ZNF503: variants seen among roughly 807,000 people sequenced by gnomAD.
ZNF503 encodes NocA-like zinc finger 2.
ZNF503 carries 15 observed loss-of-function variants against 34.4 expected under a neutral mutation model. The observed-to-expected ratio is 0.44, with a 90% CI of 0.29 to 0.67. ZNF503 has a LOEUF of 0.67. ZNF503 is among the 30% of genes least tolerant of loss of function. ZNF503 has a pLI of 0.13. For synonymous variants in ZNF503, 580 were observed against 456.8 expected (o/e 1.27, Z -3.44); for missense variants, 1,007 against 926.8 (o/e 1.09, Z -1.12).
At chr10:75,321,728 T>C in the ZNF503 span, among the ~76,000 whole-genome samples, 3 of 152,198 alleles carry the variant, frequency 2.0e-5, no homozygotes, top group Admixed American at 2.0e-4. Context: ...CTAAGCAGTA[T>C]AGCATATAAG....
chr10:75,294,932 ACG>A, the ZNF503 span, among the ~76,000 whole-genome samples: 1 of 151,986 alleles, frequency 6.6e-6, no homozygotes, highest in African/African-American at 2.4e-5. Context: ...ATTATTGGTT[ACG>A]CTGTTGTGTA....
At chr10:75,309,390 T>C in the ZNF503 span, among the ~76,000 whole-genome samples, 1 of 152,204 alleles carries the variant, frequency 6.6e-6, no homozygotes, top group African/African-American at 2.4e-5. Context: ...GAAGAGTCAA[T>C]TGATGCAGCA....
chr10:75,354,836 TTTTTG>T, the ZNF503 span, among the ~76,000 whole-genome samples: 5 of 151,844 alleles, frequency 3.3e-5, no homozygotes, highest in Non-Finnish European at 1.5e-5. Flanking sequence ...CTGTGCTTCA[TTTTTG>T]TTTTGTTTTG....
At chr10:75,356,504 C>T in the ZNF503 span, among the ~76,000 whole-genome samples, 15 of 152,346 alleles carry the variant, frequency 9.8e-5, no homozygotes, top group East Asian at 2.9e-3. Context: ...CGTGAGCCAC[C>T]GCCCCCAGCC....
chr10:75,389,250 C>T, the ZNF503 span, among the ~76,000 whole-genome samples: 1 of 152,234 alleles, frequency 6.6e-6, no homozygotes, highest in Non-Finnish European at 1.5e-5. Context: ...AGCAACGGGA[C>T]AACCAAAAGG....
At chr10:75,381,703 C>T in the ZNF503 span, among the ~76,000 whole-genome samples, 1 of 149,746 alleles carries the variant, frequency 6.7e-6, no homozygotes, top group Non-Finnish European at 1.5e-5. Flanking sequence ...CAATCCTGGG[C>T]TGCCTCCAGA....
the ZNF503 span, among the ~76,000 whole-genome samples, chr10:75,301,904 A>G: frequency 6.6e-6 from 1 of 152,230 alleles, no homozygotes; most frequent in African/African-American, 2.4e-5. Context: ...GAGAAGAAGT[A>G]AGAAAAAATA....
the ZNF503 span, among the ~76,000 whole-genome samples, chr10:75,309,694 T>C: frequency 6.6e-6 from 1 of 152,252 alleles, no homozygotes; most frequent in African/African-American, 2.4e-5. Flanking sequence ...TGTCTTGCTT[T>C]ACTGTGATGT....
chr10:75,397,258 A>T (rs766224008), downstream of ZNF503, among the ~76,000 whole-genome samples: 3 of 152,136 alleles, frequency 2.0e-5, no homozygotes, highest in Non-Finnish European at 4.4e-5. Flanking sequence ...AGCGTTTAGA[A>T]GGCCCTGGGC....
the ZNF503 span, among the ~76,000 whole-genome samples, chr10:75,369,696 AATGCAGTTTTGTT>A: frequency 6.6e-6 from 1 of 152,262 alleles, no homozygotes; most frequent in South Asian, 2.1e-4. Flanking sequence ...TTGAGAAAAC[AATGCAGTTTTGTT>A]AAAAAGAATG....
chr10:75,390,902 T>C, the ZNF503 span, among the ~76,000 whole-genome samples: 271 of 152,304 alleles, frequency 1.8e-3, no homozygotes, highest in African/African-American at 6.2e-3. Context: ...ATTCTGTTTC[T>C]GGTGAGGGCT....
At chr10:75,327,698 T>G in the ZNF503 span, among the ~76,000 whole-genome samples, 1 of 152,204 alleles carries the variant, frequency 6.6e-6, no homozygotes, top group African/African-American at 2.4e-5. Flanking sequence ...ATGGCTGTCC[T>G]AATTTACTTT....
chr10:75,282,489 G>T, the ZNF503 span, among the ~76,000 whole-genome samples: 1 of 152,218 alleles, frequency 6.6e-6, no homozygotes, highest in African/African-American at 2.4e-5. Flanking sequence ...TCATTGAGCT[G>T]CTCCAGCTCT....
Position 75,398,651 on chromosome 10 carries a change from C to G in ZNF503, c.*98G>C. The stretch of plus-strand genomic sequence containing the variant: ...CCTTTCGTGGCCCGAGTCCTCCCCA[C>G]GCGCGGGTGTCAGCAGCCTGGGCCG... On this transcript the variant is annotated 3_prime_UTR_variant, in exon 2 of 2. Transcript: ENST00000372524. 1 of 1,140,946 alleles carries G rather than the reference C, an allele frequency of 8.8e-7. No homozygotes were observed. The highest frequency in any genetic ancestry group is 1.1e-6 in the Non-Finnish European group (1 of 889,880). The allele number at this position is 1,140,946 out of a possible 1,614,324, so 70.7% of individuals were successfully genotyped here.
chr10:75,390,199 C>G, the ZNF503 span, among the ~76,000 whole-genome samples: 1 of 151,678 alleles, frequency 6.6e-6, no homozygotes, highest in Non-Finnish European at 1.5e-5. Flanking sequence ...TTTTTTTAAT[C>G]AGTAACATGG....
chr10:75,391,021 C>T, the ZNF503 span, among the ~76,000 whole-genome samples: 10 of 152,216 alleles, frequency 6.6e-5, no homozygotes, highest in African/African-American at 2.4e-4. Flanking sequence ...GGCCACAAAT[C>T]CTCCCAGATT....
Position 75,399,343 on chromosome 10 carries a change from A to T in ZNF503, c.1347T>A (p.Ala449=). ...CAGCAGCCGGATCATGTGCGCAAGA[A>T]GCGCTGGCGGCCGCCGCCCCTGCCA... ...SHLAGAAAAS[A]SCAHDPAAAA... Residue 449 remains alanine, a synonymous_variant, in exon 2 of 2, where the codon GCT becomes GCA. Coordinates refer to ENST00000372524, the MANE Select transcript of ZNF503 (RefSeq NM_032772.6). 6.2e-7 allele frequency: 1 copy of T among 1,605,298 alleles called. No homozygotes were observed. The highest frequency in any genetic ancestry group is 1.7e-4 in the Middle Eastern group (1 of 6,004).
In ZNF503 at chr10:75,398,059, T is replaced by C. The variant is rs1447011962; in HGVS notation, c.*690A>G. The C allele has an allele frequency of 6.6e-6, 1 of 152,336 alleles. No individual in the cohort carries two copies. Among genetic ancestry groups the C allele is most frequent in the Non-Finnish European group, 1.5e-5 (1 of 67,964 alleles). 9.4% of individuals were successfully genotyped at this position (152,336 alleles called of 1,614,324 possible). A position where few individuals can be genotyped will look rare whatever the true frequency, so the allele number is the denominator to read the frequency against. On this transcript the variant is annotated 3_prime_UTR_variant, in exon 2 of 2. Coordinates refer to ENST00000372524, the MANE Select transcript of ZNF503 (RefSeq NM_032772.6). Reference sequence around the variant, plus strand: ...TTTTGTTGTTTTCTTCCAGAATACATACAAAAAAATACCCATTCTCTTCGA... The same window carrying C: ...TTTTGTTGTTTTCTTCCAGAATACACACAAAAAAATACCCATTCTCTTCGA...
chr10:75,353,249 G>A, the ZNF503 span, among the ~76,000 whole-genome samples: 99 of 152,284 alleles, frequency 6.5e-4, no homozygotes, highest in African/African-American at 2.1e-3. Context: ...CAGCAGTGCC[G>A]TGTGCCTCCA....
Sources: gnomAD v4.1 joint callset for allele counts (sites outside exome capture counted in the v4.1 genomes callset) on GRCh38, gnomAD v4.1.1 for gene constraint, MANE v1.5 for transcripts, NCBI Gene and HGNC (gene_info 2026-07-23, HGNC 2026-07-21) for gene names.